NADK: variants seen among roughly 807,000 people sequenced by gnomAD.
NADK encodes poly(P)/ATP NAD kinase.
Under a neutral mutation model 49.8 loss-of-function variants are expected in NADK, and 22 were observed. The ratio of observed to expected loss-of-function variants is 0.44; its 90% CI spans 0.32 to 0.63. NADK has a LOEUF of 0.63. NADK is among the 30% of genes least tolerant of loss of function. NADK has a pLI of 0.06. For synonymous variants in NADK, 268 were observed against 253.7 expected, an observed-to-expected ratio of 1.06 and a Z score of -0.54; for missense variants, 438 against 609.4, an observed-to-expected ratio of 0.72 and a Z score of 2.96.
intron 1 of NADK, among the ~76,000 whole-genome samples, chr1:1,777,209 A>G (rs2100398159): frequency 6.6e-6 from 1 of 152,322 alleles, no homozygotes; most frequent in South Asian, 2.1e-4. Context: ...TAACACCATA[A>G]AGTGGCTGCA....
chr1:1,773,398 C>T (rs2100379327), intron 1 of NADK, among the ~76,000 whole-genome samples: 1 of 151,296 alleles, frequency 6.6e-6, no homozygotes, highest in South Asian at 2.1e-4. Flanking sequence ...GCCTCGGCCT[C>T]CCAAAGTGCT....
chr1:1,762,910 T>C (rs934047837), intron 2 of NADK, among the ~76,000 whole-genome samples: 1 of 152,244 alleles, frequency 6.6e-6, no homozygotes, highest in Non-Finnish European at 1.5e-5. Context: ...GGGAGAATGC[T>C]GTCAGGACCG....
chr1:1,756,249 G>C lies in NADK; in HGVS notation c.585+9C>G, dbSNP rs1372711647. The C allele has an allele frequency of 6.2e-7, 1 of 1,613,290 alleles. No homozygotes were observed. The highest frequency in any genetic ancestry group is 8.5e-7 in the Non-Finnish European group (1 of 1,179,246). On this transcript the variant is annotated intron_variant, in intron 6 of 11. Coordinates refer to ENST00000341426, the MANE Select transcript of NADK (RefSeq NM_023018.5). ...ACCTGGTGTGGGTCTGGAAATGTCA[G>C]CGCTTCACCTGGAAAAGCGAGGAAG...
rs556639777 is a variant in NADK, at chr1:1,755,318, C to A, written c.688+56G>T. On this transcript the variant is annotated intron_variant, in intron 7 of 11. Coordinates refer to ENST00000341426, the MANE Select transcript of NADK (RefSeq NM_023018.5). ...TGAAAATAAACCCCCCGCAAGCAAG[C>A]GAGACAGCAGCGCCATGATCAGAGC... 4.3e-5 allele frequency: 54 copies of A among 1,258,854 alleles called. No individual in the cohort carries two copies. The African/African-American group carries it at 7.4e-4, about 17-fold the overall frequency. The allele number at this position is 1,258,854 out of a possible 1,614,324, so 78.0% of individuals were successfully genotyped here.
chr1:1,756,031 T>C (rs1187244307), intron 6 of NADK: 10 of 594,994 alleles, frequency 1.7e-5, no homozygotes. Context: ...CTCCCTGCTG[T>C]CCCAGGCGGG....
intron 1 of NADK, among the ~76,000 whole-genome samples, chr1:1,774,508 G>C (rs1475492702): frequency 6.6e-6 from 1 of 152,038 alleles, no homozygotes; most frequent in Non-Finnish European, 1.5e-5. Flanking sequence ...GCCCGCCTTG[G>C]CCTCCCAAAG....
At chr1:1,768,144 C>T (rs1396495701) in intron 1 of NADK, among the ~76,000 whole-genome samples, 1 of 149,552 alleles carries the variant, frequency 6.7e-6, no homozygotes. Context: ...GCACTCCAGC[C>T]TGGGCCACAA....
chr1:1,772,160 ATT>A (rs111782958), intron 1 of NADK, among the ~76,000 whole-genome samples: 1 of 136,822 alleles, frequency 7.3e-6, no homozygotes, highest in Middle Eastern at 3.9e-3. Flanking sequence ...GGAACCCTGA[ATT>A]TTTTTTTTTT....
intron 1 of NADK, among the ~76,000 whole-genome samples, chr1:1,773,729 T>TGAGAGAGAGAGAGAGAGA (rs61141524): frequency 9.3e-5 from 12 of 129,050 alleles, no homozygotes; most frequent in South Asian, 2.7e-4. Flanking sequence ...TGTGTGTGTG[T>TGAGAGAGAGAGAGAGAGA]GAGAGAGAGA....
At chr1:1,756,907 GC>G in intron 4 of NADK, 1 of 806,924 alleles carries the variant, frequency 1.2e-6, no homozygotes. Flanking sequence ...CAGCAGGAAG[GC>G]CCACGTCAGA....
At chr1:1,758,970 G>A (rs997643329) in intron 3 of NADK, 18 of 1,221,638 alleles carry the variant, frequency 1.5e-5, no homozygotes, top group South Asian at 3.4e-5. Context: ...CTCCTAGCCC[G>A]CTGCGTCACT....
intron 2 of NADK, 33 bp downstream of exon 2, chr1:1,765,194 GA>G (rs544654832): frequency 2.2e-5 from 34 of 1,515,358 alleles, no homozygotes; most frequent in South Asian, 3.7e-5. Flanking sequence ...AATCAGACGA[GA>G]AAAAAAAGAG....
intron 3 of NADK, chr1:1,759,019 G>C (rs957296371): frequency 1.4e-6 from 2 of 1,422,544 alleles, no homozygotes; most frequent in South Asian, 1.5e-5. Flanking sequence ...GGTGGCTCAC[G>C]GTCCTCCGGC....
chr1:1,774,333 C>A (rs1646145220), intron 1 of NADK, among the ~76,000 whole-genome samples: 1 of 152,120 alleles, frequency 6.6e-6, no homozygotes, highest in South Asian at 2.1e-4. Context: ...CAGGTTCAAG[C>A]AATTCTCCTG....
At chr1:1,760,565 A>G (rs762231499) in intron 3 of NADK, among the ~76,000 whole-genome samples, 5 of 152,096 alleles carry the variant, frequency 3.3e-5, no homozygotes, top group African/African-American at 1.2e-4. Context: ...ACACGGCCGC[A>G]TTGCGCTTTC....
intron 11 of NADK, 61 bp from the exon 12 acceptor site, chr1:1,753,121 A>G: frequency 1.3e-6 from 2 of 1,545,348 alleles, no homozygotes; most frequent in East Asian, 4.6e-5. Flanking sequence ...CCCGGCCAAG[A>G]ACCCTTCCTC....
rs768865318 is a variant in NADK at position 1,753,067 on chromosome 1, C to A, written c.1185-7G>T. On this transcript the variant is annotated splice_polypyrimidine_tract_variant and splice_region_variant and intron_variant, in intron 11 of 11. Coordinates refer to ENST00000341426, the MANE Select transcript of NADK (RefSeq NM_023018.5). ...TGAGGTAGTGATGCTGATGCTGGGACGGGAGAGCAGCAGCCTGAGCCAGGG... is the reference window on the plus strand; with the variant it reads ...TGAGGTAGTGATGCTGATGCTGGGAAGGGAGAGCAGCAGCCTGAGCCAGGG... 4.4e-6 allele frequency: 7 copies of A among 1,605,740 alleles called. No individual in the cohort carries two copies. The highest frequency in any genetic ancestry group is 6.0e-6 in the Non-Finnish European group (7 of 1,175,464).
rs574879950 is a variant in NADK at position 1,758,969 on chromosome 1, C to T, written c.264-1659G>A. 6 of 1,223,754 alleles carry T rather than the reference C, an allele frequency of 4.9e-6. 1 individual carries two copies. The highest frequency in any genetic ancestry group is 2.8e-4 in the Middle Eastern group (1 of 3,602). The allele number at this position is 1,223,754 out of a possible 1,614,324, so 75.8% of individuals were successfully genotyped here. ...GAAGGGCGTTCCCTGCCTCCTAGCC[C>T]GCTGCGTCACTCTGCTTGGCTCCGG... On this transcript the variant is annotated intron_variant, in intron 3 of 11. Transcript: ENST00000341426.
chr1:1,764,417 C>T (rs547503258), intron 2 of NADK, among the ~76,000 whole-genome samples: 50 of 152,230 alleles, frequency 3.3e-4, no homozygotes, highest in African/African-American at 1.2e-3. Context: ...CAAGGGTGAG[C>T]GCTGTGGGCA....
Sources: gnomAD v4.1 joint callset for allele counts (sites outside exome capture counted in the v4.1 genomes callset) on GRCh38, gnomAD v4.1.1 for gene constraint, MANE v1.5 for transcripts, NCBI Gene and HGNC (gene_info 2026-07-23, HGNC 2026-07-21) for gene names.